UNC13C: variants seen among roughly 807,000 people sequenced by gnomAD.
The protein encoded by UNC13C is protein unc-13 homolog C.
In UNC13C, 174 loss-of-function variants were observed where a neutral mutation model predicts 245.4. That is an observed-to-expected ratio of 0.71 (90% CI 0.63 to 0.80). UNC13C has a LOEUF of 0.80. UNC13C is among the 30% of genes least tolerant of loss of function. The pLI is 0.00. For synonymous variants in UNC13C, 992 were observed against 895.1 expected, an observed-to-expected ratio of 1.11 and a Z score of -1.93; for missense variants, 2,829 against 2,602.9, an observed-to-expected ratio of 1.09 and a Z score of -1.89.
At chr15:54,207,046 C>T (rs907976934) in intron 4 of UNC13C, among the ~76,000 whole-genome samples, 2 of 151,898 alleles carry the variant, frequency 1.3e-5, no homozygotes, top group Non-Finnish European at 2.9e-5. Context: ...CTCACAGTAG[C>T]AGAGAGGAAG....
the UNC13C span, among the ~76,000 whole-genome samples, chr15:53,960,994 A>C: frequency 6.6e-6 from 1 of 152,294 alleles, no homozygotes; most frequent in South Asian, 2.1e-4. Context: ...GTGTGTTTGT[A>C]TATGTTTGTG....
intron 17 of UNC13C, among the ~76,000 whole-genome samples, chr15:54,345,294 A>G (rs1049487701): frequency 1.1e-4 from 16 of 152,354 alleles, no homozygotes; most frequent in African/African-American, 3.8e-4. Flanking sequence ...GTAATACAGT[A>G]AGAAATTATA....
At chr15:54,425,379 T>G (rs561660064) in intron 19 of UNC13C, among the ~76,000 whole-genome samples, 64 of 151,892 alleles carry the variant, frequency 4.2e-4, no homozygotes, top group Non-Finnish European at 7.7e-4. Context: ...AGTAAGTGGT[T>G]TGCAAATGGG....
At chr15:54,243,598 T>A (rs1226321146) in intron 7 of UNC13C, among the ~76,000 whole-genome samples, 1 of 94,400 alleles carries the variant, frequency 1.1e-5, no homozygotes, top group Non-Finnish European at 1.9e-5. Context: ...CCACCAACAG[T>A]GTAAAGCATT....
At chr15:53,924,260 C>A in the UNC13C span, among the ~76,000 whole-genome samples, 1 of 152,096 alleles carries the variant, frequency 6.6e-6, no homozygotes, top group Non-Finnish European at 1.5e-5. Flanking sequence ...GATAGCACGG[C>A]ACAGTTCAGT....
intron 30 of UNC13C, among the ~76,000 whole-genome samples, chr15:54,573,242 C>T (rs889202208): frequency 6.6e-6 from 1 of 152,042 alleles, no homozygotes; most frequent in Non-Finnish European, 1.5e-5. Context: ...GTACTCCTTT[C>T]CTCCTTCATT....
chr15:54,577,653 C>G (rs1003561813), intron 30 of UNC13C, among the ~76,000 whole-genome samples: 3 of 152,160 alleles, frequency 2.0e-5, no homozygotes, highest in Non-Finnish European at 4.4e-5. Flanking sequence ...CTAGAAAACT[C>G]TCTCTTTCCA....
intron 4 of UNC13C, among the ~76,000 whole-genome samples, chr15:54,225,250 T>C (rs1371445470): frequency 6.6e-6 from 1 of 152,188 alleles, no homozygotes; most frequent in Non-Finnish European, 1.5e-5. Flanking sequence ...GCATGATGCC[T>C]CCAGCTTTGT....
At chr15:53,854,968 C>T in the UNC13C span, among the ~76,000 whole-genome samples, 1 of 152,092 alleles carries the variant, frequency 6.6e-6, no homozygotes, top group East Asian at 1.9e-4. Flanking sequence ...TCTCTGATTT[C>T]CCTGAGCAGT....
At chr15:53,838,219 A>G in the UNC13C span, among the ~76,000 whole-genome samples, 1 of 152,058 alleles carries the variant, frequency 6.6e-6, no homozygotes, top group Non-Finnish European at 1.5e-5. Flanking sequence ...GTGTTTATCC[A>G]TCATTTATGT....
intron 19 of UNC13C, among the ~76,000 whole-genome samples, chr15:54,481,836 C>T (rs1226976177): frequency 6.6e-6 from 1 of 152,092 alleles, no homozygotes; most frequent in African/African-American, 2.4e-5. Flanking sequence ...CAGGATGGAC[C>T]AATCCCCAGG....
At chr15:54,212,159 A>G (rs1318717723) in intron 4 of UNC13C, among the ~76,000 whole-genome samples, 15 of 152,102 alleles carry the variant, frequency 9.9e-5, no homozygotes, top group Non-Finnish European at 1.5e-5. Flanking sequence ...CAAACTTGAC[A>G]TGTTCTCTTT....
At chr15:54,483,190 C>G (rs1052932536) in intron 19 of UNC13C, among the ~76,000 whole-genome samples, 2 of 152,092 alleles carry the variant, frequency 1.3e-5, no homozygotes, top group Non-Finnish European at 1.5e-5. Flanking sequence ...TACCACTTTG[C>G]ATGCTTTTAA....
intron 17 of UNC13C, among the ~76,000 whole-genome samples, chr15:54,360,081 G>T (rs1403243424): frequency 6.6e-6 from 1 of 151,892 alleles, no homozygotes; most frequent in Non-Finnish European, 1.5e-5. Context: ...TCAGGAGCAT[G>T]TTGTTTAATG....
intron 18 of UNC13C, among the ~76,000 whole-genome samples, chr15:54,400,357 A>G (rs565981907): frequency 2.6e-5 from 4 of 152,138 alleles, no homozygotes; most frequent in Non-Finnish European, 5.9e-5. Flanking sequence ...CATACTAGTT[A>G]AGTCCCCCCT....
At chr15:54,160,067 T>C (rs773451106) in intron 4 of UNC13C, among the ~76,000 whole-genome samples, 2 of 151,982 alleles carry the variant, frequency 1.3e-5, no homozygotes, top group Admixed American at 6.6e-5. Context: ...GAATATATGA[T>C]ACATCACGGA....
chr15:54,564,680 G>A (rs971848778), intron 29 of UNC13C, among the ~76,000 whole-genome samples: 1 of 151,948 alleles, frequency 6.6e-6, no homozygotes, highest in Non-Finnish European at 1.5e-5. Context: ...TATTAGCCCA[G>A]TGATATAGGT....
At chr15:54,562,448 G>C (rs1897331076) in intron 29 of UNC13C, among the ~76,000 whole-genome samples, 1 of 151,996 alleles carries the variant, frequency 6.6e-6, no homozygotes, top group Non-Finnish European at 1.5e-5. Flanking sequence ...TTGGAAACAT[G>C]ACTGAGCATC....
intron 19 of UNC13C, among the ~76,000 whole-genome samples, chr15:54,449,697 T>TA (rs1191640704): frequency 2.6e-5 from 4 of 152,310 alleles, no homozygotes; most frequent in Non-Finnish European, 5.9e-5. Flanking sequence ...TCAAGGTTTT[T>TA]AACTTCTTTG....
Sources: allele counts gnomAD v4.1 joint callset (sites outside exome capture counted in the v4.1 genomes callset), GRCh38; gene constraint gnomAD v4.1.1; transcripts MANE v1.5; gene names NCBI Gene and HGNC (gene_info 2026-07-23, HGNC 2026-07-21).